The following TGFB2 variants were observed in gnomAD, a reference collection of about 807,000 sequenced individuals.
TGFB2 encodes transforming growth factor beta-2 proprotein.
TGFB2 carries 13 observed loss-of-function variants against 42.7 expected under a neutral mutation model. The observed-to-expected ratio is 0.30, with a 90% CI of 0.20 to 0.48. The LOEUF (loss-of-function observed/expected upper bound fraction) is 0.48. TGFB2 is among the 20% of genes least tolerant of loss of function. The pLI is 0.99. For synonymous variants in TGFB2, 193 were observed against 193.6 expected, an observed-to-expected ratio of 1.00 and a Z score of 0.03; for missense variants, 390 against 517.5, an observed-to-expected ratio of 0.75 and a Z score of 2.39.
rs1219194860 is a variant in TGFB2 at position 218,367,795 on chromosome 1, T to G, written c.346+20748T>G. ...GAAAGGTGAAGAGAGGACGTTCATTTTTTTTCTTCTTCTTCTTTTTGAGAT... is the reference window on the plus strand; with the variant it reads ...GAAAGGTGAAGAGAGGACGTTCATTGTTTTTCTTCTTCTTCTTTTTGAGAT... On this transcript the variant is annotated intron_variant, in intron 1 of 6. Transcript: ENST00000366930. Among the ~76,000 whole-genome samples the G allele has an allele frequency of 2.6e-5, 4 of 152,202 alleles. No homozygotes were observed. In the East Asian group the frequency reaches 7.7e-4, roughly 29 times the overall value.
intron 2 of TGFB2, among the ~76,000 whole-genome samples, chr1:218,430,110 A>G (rs767807518): frequency 6.6e-6 from 1 of 152,150 alleles, no homozygotes; most frequent in Non-Finnish European, 1.5e-5. Context: ...TATCTTTGTC[A>G]TGATAAGATA....
At chr1:218,393,543 C>A (rs570416589) in intron 1 of TGFB2, among the ~76,000 whole-genome samples, 2 of 152,168 alleles carry the variant, frequency 1.3e-5, no homozygotes, top group Admixed American at 6.5e-5. Flanking sequence ...GGCTCACTGG[C>A]CTCATTAAAA....
rs1333786004 is a variant in TGFB2 at position 218,346,908 on chromosome 1, C to T, written c.207C>T (p.Ser69=). 2 of 1,614,108 alleles carry T rather than the reference C, an allele frequency of 1.2e-6. No individual in the cohort carries two copies. The highest frequency in any genetic ancestry group is 1.7e-6 in the Non-Finnish European group (2 of 1,180,058). The part of the protein sequence containing the change: ...EPEEVPPEVI[S]IYNSTRDLLQ... ...AGGAAGTCCCCCCGGAGGTGATTTC[C>T]ATCTACAACAGCACCAGGGACTTGC... is the stretch of plus-strand genomic sequence containing the variant. The change falls in exon 1 of 7, where the codon TCC becomes TCT. Residue 69 remains serine, a synonymous_variant. Transcript: ENST00000366930. This position sits in a 1 kb window ranked among gnomAD's most constrained non-coding sequence, Gnocchi z 4.9.
chr1:218,413,194 A>C (rs1016743659), intron 2 of TGFB2, among the ~76,000 whole-genome samples: 2 of 152,190 alleles, frequency 1.3e-5, no homozygotes, highest in Non-Finnish European at 2.9e-5. Context: ...CAACATGGTG[A>C]AAATCCATCT....
chr1:218,378,589 T>C (rs1657835668), intron 1 of TGFB2, among the ~76,000 whole-genome samples: 1 of 151,974 alleles, frequency 6.6e-6, no homozygotes, highest in Non-Finnish European at 1.5e-5. Flanking sequence ...GCTGGGATTA[T>C]AGATGTGAGC....
intron 1 of TGFB2, among the ~76,000 whole-genome samples, chr1:218,372,359 A>G (rs748469217): frequency 2.0e-5 from 3 of 152,114 alleles, no homozygotes; most frequent in African/African-American, 4.8e-5. Flanking sequence ...GCTGGATTGT[A>G]TCTTTGCTCT....
At chr1:218,438,146 C>T (rs953117625) in intron 6 of TGFB2, among the ~76,000 whole-genome samples, 1 of 152,146 alleles carries the variant, frequency 6.6e-6, no homozygotes. Flanking sequence ...TGTTCCCAGC[C>T]TCTGGTAACC....
intron 1 of TGFB2, among the ~76,000 whole-genome samples, chr1:218,358,239 G>A (rs1167379649): frequency 6.6e-6 from 1 of 152,154 alleles, no homozygotes; most frequent in Admixed American, 6.5e-5. Flanking sequence ...GATTTTCAGA[G>A]CTCTAAAATA....
rs1558219203 is a variant in TGFB2 at position 218,346,050 on chromosome 1, GCACA to G, written c.-650_-647del. On this transcript the variant is annotated 5_prime_UTR_variant, in exon 1 of 7. Transcript: ENST00000366930. The surrounding 1 kb of genome is among the most constrained non-coding windows in gnomAD (Gnocchi z 4.9). Reference sequence around the variant, plus strand: ...TGCGCTGGGCTCGCCCCCAGCGCGCGCACACGCACACACACACACACACACACAC... The same window carrying G: ...TGCGCTGGGCTCGCCCCCAGCGCGCGCGCACACACACACACACACACACAC... Among the ~76,000 whole-genome samples, 2 of 138,042 alleles carry G rather than the reference GCACA, an allele frequency of 1.4e-5. No individual in the cohort carries two copies. The highest frequency in any genetic ancestry group is 4.3e-4 in the South Asian group (2 of 4,612). 90.6% of individuals were successfully genotyped at this position (138,042 alleles called of 152,430 possible).
At chr1:218,362,423 C>G (rs186821904) in intron 1 of TGFB2, among the ~76,000 whole-genome samples, 31 of 152,300 alleles carry the variant, frequency 2.0e-4, no homozygotes, top group Admixed American at 4.6e-4. Flanking sequence ...GTCTGTCAGT[C>G]TGTTTTAAAT....
intron 2 of TGFB2, among the ~76,000 whole-genome samples, chr1:218,418,788 G>A (rs1316368080): frequency 6.6e-6 from 1 of 152,064 alleles, no homozygotes; most frequent in South Asian, 2.1e-4. Context: ...ATGATATGAT[G>A]GTTTTAAAAA....
At chr1:218,395,178 C>CT (rs1209063792) in intron 1 of TGFB2, among the ~76,000 whole-genome samples, 3 of 152,148 alleles carry the variant, frequency 2.0e-5, no homozygotes, top group Non-Finnish European at 4.4e-5. Flanking sequence ...AACAGCAGCA[C>CT]TAGGCACCAA....
Position 218,437,320 on chromosome 1 carries a change from CTTT to C in TGFB2, c.933-8_933-6del, listed in dbSNP as rs11285412. 6,982 of 1,416,932 alleles carry C rather than the reference CTTT, an allele frequency of 4.9e-3. No individual in the cohort carries two copies. Among genetic ancestry groups the C allele is most frequent in the South Asian group, 0.015 (984 of 67,142 alleles). The allele number at this position is 1,416,932 out of a possible 1,614,324, so 87.8% of individuals were successfully genotyped here. A position where few individuals can be genotyped will look rare whatever the true frequency, so the allele number is the denominator to read the frequency against. ...TGAATCAGCTTTAAAATCTCCATTGCTTTTTTTTTTTTTTTTTAACAGAAATGT... is the reference window on the plus strand; with the variant it reads ...TGAATCAGCTTTAAAATCTCCATTGCTTTTTTTTTTTTTTAACAGAAATGT... On this transcript the variant is annotated intron_variant, in intron 5 of 6. Transcript: ENST00000366930.
intron 2 of TGFB2, among the ~76,000 whole-genome samples, chr1:218,414,883 G>C (rs1274632783): frequency 6.6e-6 from 1 of 152,176 alleles, no homozygotes; most frequent in Non-Finnish European, 1.5e-5. Context: ...AAGTTCAGTA[G>C]CTTGCCCAGG....
At chr1:218,358,636 C>A (rs1274731912) in intron 1 of TGFB2, among the ~76,000 whole-genome samples, 3 of 150,490 alleles carry the variant, frequency 2.0e-5, no homozygotes, top group East Asian at 2.0e-4. Flanking sequence ...GCAAGCTCTG[C>A]CTCCGGGGTT....
intron 2 of TGFB2, among the ~76,000 whole-genome samples, chr1:218,419,198 A>G (rs963449359): frequency 3.3e-5 from 5 of 151,812 alleles, no homozygotes; most frequent in African/African-American, 1.2e-4. Context: ...CCCCTCATTC[A>G]TAGGGCTCCC....
chr1:218,438,148 C>T (rs980287222), intron 6 of TGFB2, among the ~76,000 whole-genome samples: 4 of 152,204 alleles, frequency 2.6e-5, no homozygotes, highest in African/African-American at 9.6e-5. Flanking sequence ...TTCCCAGCCT[C>T]TGGTAACCAT....
intron 2 of TGFB2, among the ~76,000 whole-genome samples, chr1:218,428,799 G>T (rs1659710752): frequency 6.6e-6 from 1 of 152,036 alleles, no homozygotes; most frequent in Admixed American, 6.6e-5. Context: ...TTTTGGCTTA[G>T]GTTTGTCTTG....
At chr1:218,428,516 G>A (rs1659699056) in intron 2 of TGFB2, among the ~76,000 whole-genome samples, 1 of 152,232 alleles carries the variant, frequency 6.6e-6, no homozygotes, top group Admixed American at 6.5e-5. Context: ...TTTTGTATAA[G>A]GTGTAAGGAA....
Sources: allele counts gnomAD v4.1 joint callset (sites outside exome capture counted in the v4.1 genomes callset), GRCh38; gene constraint gnomAD v4.1.1; non-coding constraint Gnocchi (gnomAD v3.1); transcripts MANE v1.5; gene names NCBI Gene and HGNC (gene_info 2026-07-23, HGNC 2026-07-21).